ATP8A1: variants seen among roughly 807,000 people sequenced by gnomAD.
The protein encoded by ATP8A1 is ATPase phospholipid transporting 8A1, also known as phospholipid-transporting ATPase IA.
A neutral mutation model predicts 177.7 loss-of-function variants in ATP8A1; 90 were observed. The ratio of observed to expected loss-of-function variants is 0.51; its 90% confidence interval spans 0.43 to 0.60. The LOEUF (loss-of-function observed/expected upper bound fraction) is 0.60, where lower values mean the gene tolerates loss of function less well. Among genes scored for constraint, ATP8A1 ranks in the 20% least tolerant of loss-of-function variants. The pLI, the probability that ATP8A1 is intolerant of heterozygous loss-of-function variation, is 0.00. For missense variants in ATP8A1, 1,072 were observed against 1,392.8 expected (o/e 0.77, Z 3.67); for synonymous variants, 493 against 485.9 (o/e 1.01, Z -0.19).
At chr4:42,450,856 T>C (rs555434857) in intron 30 of ATP8A1, among the ~76,000 whole-genome samples, 364 of 152,230 alleles carry the variant, frequency 2.4e-3, no homozygotes, top group Non-Finnish European at 4.0e-3. Context: ...AGAAAGATCA[T>C]ACAAAAGAAA....
intron 6 of ATP8A1, among the ~76,000 whole-genome samples, chr4:42,598,821 T>C (rs1458066584): frequency 6.6e-6 from 1 of 152,200 alleles, no homozygotes; most frequent in East Asian, 1.9e-4. Flanking sequence ...ATATTTATCA[T>C]GATTTCATCA....
intron 27 of ATP8A1, among the ~76,000 whole-genome samples, chr4:42,458,214 C>G (rs1038448116): frequency 2.0e-5 from 3 of 152,064 alleles, no homozygotes; most frequent in African/African-American, 7.2e-5. Flanking sequence ...CTAAATTATC[C>G]CAAACACATA....
At chr4:42,562,101 A>AACACGCTGATGAT (rs1730894166) in intron 15 of ATP8A1, 1 of 152,202 alleles carries the variant, frequency 6.6e-6, no homozygotes, top group Admixed American at 6.5e-5. Flanking sequence ...GAGGTGATGA[A>AACACGCTGATGAT]ACACGCTGAT....
At chr4:42,567,533 C>T (rs1374671548) in intron 15 of ATP8A1, among the ~76,000 whole-genome samples, 1 of 152,036 alleles carries the variant, frequency 6.6e-6, no homozygotes, top group Non-Finnish European at 1.5e-5. Context: ...AGTGAGACTC[C>T]CTCTTAACAA....
At chr4:42,492,400 T>A (rs1041601479) in intron 24 of ATP8A1, among the ~76,000 whole-genome samples, 2 of 152,184 alleles carry the variant, frequency 1.3e-5, no homozygotes, top group Admixed American at 1.3e-4. Flanking sequence ...AAAATTCATA[T>A]GTTGAAATCC....
At position 42,576,471 on chromosome 4, in the gene ATP8A1, G is replaced by A. The variant is rs1369850053; in HGVS notation, c.1129-772C>T. ...AGCCTGGGCGACAGAGCAAGACGCC[G>A]TCTCAAAAAAAAAAAAAAAAAAAAA... On this transcript the variant is annotated intron_variant, in intron 12 of 36. Transcript: ENST00000381668. 2.5e-4 allele frequency among the ~76,000 whole-genome samples: 8 copies of A among 31,786 alleles called. No homozygotes were observed. In the Admixed American group the frequency reaches 3.3e-3, roughly 13 times the overall value. 20.9% of individuals were successfully genotyped at this position (31,786 alleles called of 152,430 possible).
At chr4:42,415,158 T>C (rs1164970253) in intron 35 of ATP8A1, 1 of 153,392 alleles carries the variant, frequency 6.5e-6, no homozygotes, top group African/African-American at 2.4e-5. Context: ...ATTTGGCACG[T>C]TTTGGTATAA....
chr4:42,599,747 C>T (rs140480277), intron 6 of ATP8A1, among the ~76,000 whole-genome samples: 1 of 152,198 alleles, frequency 6.6e-6, no homozygotes, highest in East Asian at 1.9e-4. Context: ...CCTCTAATGT[C>T]CTGGCAATCC....
At chr4:42,488,399 A>C (rs1017643989) in intron 24 of ATP8A1, among the ~76,000 whole-genome samples, 1 of 145,314 alleles carries the variant, frequency 6.9e-6, no homozygotes, top group African/African-American at 2.7e-5. Context: ...CAATCCAGCA[A>C]AAAAAAAAAC....
rs1736884096 is a variant in ATP8A1, at chr4:42,616,080, TA to T, written c.364-3del. On this transcript the variant is annotated splice_region_variant and splice_polypyrimidine_tract_variant and intron_variant, in intron 4 of 36. Transcript: ENST00000381668. ...TGCATTATCAGCTTTATGTCGTTTCTAAAGTTTAAAAGCAAAAAGAACAACT... is the reference window on the plus strand; with the variant it reads ...TGCATTATCAGCTTTATGTCGTTTCTAAGTTTAAAAGCAAAAAGAACAACT... 1 of 1,611,098 alleles carries T rather than the reference TA, an allele frequency of 6.2e-7. No individual in the cohort carries two copies. Among genetic ancestry groups the T allele is most frequent in the East Asian group, 2.2e-5 (1 of 44,768 alleles).
At chr4:42,627,241 A>AT (rs1738205718) in intron 1 of ATP8A1, 132 bp from the exon 2 acceptor site, 5 of 625,464 alleles carry the variant, frequency 8.0e-6, no homozygotes, top group Non-Finnish European at 1.1e-5. Context: ...TTCTTTTATA[A>AT]TAAAAAGTAA....
chr4:42,540,911 G>C (rs1728319737), intron 20 of ATP8A1, among the ~76,000 whole-genome samples: 1 of 152,074 alleles, frequency 6.6e-6, no homozygotes, highest in Admixed American at 6.6e-5. Context: ...CACAAAAGAT[G>C]TATTGTACTA....
chr4:42,533,952 C>T (rs533496203), intron 20 of ATP8A1, among the ~76,000 whole-genome samples: 27 of 152,198 alleles, frequency 1.8e-4, no homozygotes, highest in South Asian at 1.2e-3. Flanking sequence ...TCTCAGTAAG[C>T]CCCATCCCTA....
At chr4:42,493,354 T>G (rs890032102) in intron 24 of ATP8A1, among the ~76,000 whole-genome samples, 2 of 152,168 alleles carry the variant, frequency 1.3e-5, no homozygotes, top group African/African-American at 4.8e-5. Flanking sequence ...AATTAAATGT[T>G]ATTTTGAAAA....
In ATP8A1 at chr4:42,588,256, TTACC is replaced by T; in HGVS notation, c.594_594+3del. 6.2e-7 allele frequency: 1 copy of T among 1,605,834 alleles called. No individual in the cohort carries two copies. Among genetic ancestry groups the T allele is most frequent in the Non-Finnish European group, 8.5e-7 (1 of 1,172,630 alleles). On this transcript the variant is annotated splice_donor_variant and splice_donor_region_variant and coding_sequence_variant and intron_variant, in exon 8 of 37. Coordinates refer to ENST00000381668, the MANE Select transcript of ATP8A1 (RefSeq NM_006095.2). LOFTEE classifies it high-confidence loss of function. Reference sequence around the variant, plus strand: ...ATTATACATATACTTGTATCAGATCTTACCTGTCTAATTTTCAAGTTTGTTTCAC... The same window carrying T: ...ATTATACATATACTTGTATCAGATCTTGTCTAATTTTCAAGTTTGTTTCAC...
rs572289148 is a variant in ATP8A1, at chr4:42,449,677, G to A, written c.2896+2304C>T. Among the ~76,000 whole-genome samples, 23 of 152,256 alleles carry A rather than the reference G, an allele frequency of 1.5e-4. No individual in the cohort carries two copies. In the South Asian group the frequency reaches 4.1e-3, roughly 27 times the overall value. ...AACCATAAAGTAGTTTATGCTAAAC[G>A]TCAATTCACCCCTTAAAAAAAGAAA... On this transcript the variant is annotated intron_variant, in intron 30 of 36. Coordinates refer to ENST00000381668, the MANE Select transcript of ATP8A1 (RefSeq NM_006095.2).
intron 33 of ATP8A1, among the ~76,000 whole-genome samples, chr4:42,431,139 T>C (rs1032314157): frequency 6.6e-6 from 1 of 152,260 alleles, no homozygotes; most frequent in East Asian, 1.9e-4. Flanking sequence ...AAATATATTA[T>C]TGATTTAACG....
intron 22 of ATP8A1, among the ~76,000 whole-genome samples, chr4:42,510,136 C>T (rs1325010833): frequency 2.6e-5 from 4 of 152,104 alleles, no homozygotes; most frequent in Non-Finnish European, 5.9e-5. Flanking sequence ...GCAATCTAGA[C>T]CATTTTCTTT....
chr4:42,552,596 T>C lies in ATP8A1; in HGVS notation c.1428A>G (p.Ile476Met), dbSNP rs143787103. 12 of 1,613,228 alleles carry C rather than the reference T, an allele frequency of 7.4e-6. No individual in the cohort carries two copies. Among genetic ancestry groups the C allele is most frequent in the South Asian group, 1.1e-5 (1 of 90,960 alleles). Residue 476 changes from isoleucine (I) to methionine (M), a missense_variant, in exon 17 of 37, where the codon ATA (isoleucine) becomes ATG (methionine). Coordinates refer to ENST00000381668, the MANE Select transcript of ATP8A1 (RefSeq NM_006095.2). ...CCATCATTGTAAGAAATTCACATAT[T>C]ATAGGTGCAGTTGGCTGTGAAAAAT... ...NLQNNHPTAPIICEFLTMMAV... is the reference protein window; with the variant it reads ...NLQNNHPTAPMICEFLTMMAV...
Sources: allele counts gnomAD v4.1 joint callset (sites outside exome capture counted in the v4.1 genomes callset), GRCh38; gene constraint gnomAD v4.1.1; transcripts MANE v1.5; gene names NCBI Gene and HGNC (gene_info 2026-07-23, HGNC 2026-07-21).